Variants in SLC35F4 observed in about 807,000 individuals in gnomAD.
The protein encoded by SLC35F4 is chromosome 14 open reading frame 36.
Under a neutral mutation model 44.2 loss-of-function variants are expected in SLC35F4, and 24 were observed. The observed-to-expected ratio is 0.54, with a 90% CI of 0.39 to 0.76. SLC35F4 has a LOEUF of 0.76. Ranked by LOEUF, SLC35F4 falls within the 30% of genes least tolerant of loss-of-function variation. The pLI, the probability that SLC35F4 is intolerant of heterozygous loss-of-function variation, is 0.00. For missense variants in SLC35F4, 562 were observed against 586.1 expected (o/e 0.96, Z 0.42); for synonymous variants, 238 against 223.6 (o/e 1.06, Z -0.57).
chr14:57,742,739 G>T (rs945767652), intron 1 of SLC35F4, among the ~76,000 whole-genome samples: 1 of 152,158 alleles, frequency 6.6e-6, no homozygotes. Flanking sequence ...GACATCTACA[G>T]AACTCTCCAC....
intron 1 of SLC35F4, among the ~76,000 whole-genome samples, chr14:57,978,991 G>A (rs1881296767): frequency 6.6e-6 from 1 of 152,176 alleles, no homozygotes; most frequent in African/African-American, 2.4e-5. Flanking sequence ...TGGAACCTAT[G>A]GGATTCATAG....
chr14:57,698,529 A>G (rs1463834328), intron 1 of SLC35F4, among the ~76,000 whole-genome samples: 1 of 152,150 alleles, frequency 6.6e-6, no homozygotes, highest in Admixed American at 6.5e-5. Context: ...CAAGATACAT[A>G]CTTCTTGAGG....
chr14:57,746,748 GCTTTGTACA>G (rs2076764699), intron 1 of SLC35F4, among the ~76,000 whole-genome samples: 1 of 152,156 alleles, frequency 6.6e-6, no homozygotes, highest in Admixed American at 6.6e-5. Context: ...GCCTTCAAAA[GCTTTGTACA>G]CTTTCAAAAT....
chr14:57,963,366 C>T (rs1231341012), intron 1 of SLC35F4, among the ~76,000 whole-genome samples: 1 of 152,100 alleles, frequency 6.6e-6, no homozygotes, highest in Non-Finnish European at 1.5e-5. Flanking sequence ...GGCATGAGCA[C>T]CCTCACAGGG....
chr14:57,577,528 AAAT>A (rs1045614621), intron 4 of SLC35F4, among the ~76,000 whole-genome samples: 1 of 152,176 alleles, frequency 6.6e-6, no homozygotes, highest in Non-Finnish European at 1.5e-5. Flanking sequence ...TAGTATAAAA[AAAT>A]AAGAGAGGGA....
intron 1 of SLC35F4, among the ~76,000 whole-genome samples, chr14:57,766,815 T>G (rs1157367751): frequency 6.6e-6 from 1 of 152,324 alleles, no homozygotes; most frequent in East Asian, 1.9e-4. Context: ...CACTTAAGCT[T>G]TAATATATCA....
intron 1 of SLC35F4, among the ~76,000 whole-genome samples, chr14:57,758,024 T>C (rs1167654778): frequency 1.3e-5 from 2 of 151,856 alleles, no homozygotes; most frequent in East Asian, 3.9e-4. Flanking sequence ...TGTGTGTGTG[T>C]GTGTGTGTGT....
At chr14:57,580,325 G>C (rs1239978640) in intron 4 of SLC35F4, 3 of 166,122 alleles carry the variant, frequency 1.8e-5, no homozygotes, top group Admixed American at 6.3e-5. Flanking sequence ...TTGCCAATAA[G>C]AGCAATGTTT....
chr14:57,852,702 A>G (rs2140989168), intron 1 of SLC35F4, among the ~76,000 whole-genome samples: 1 of 152,332 alleles, frequency 6.6e-6, no homozygotes, highest in Non-Finnish European at 1.5e-5. Context: ...TCCAGCAGGG[A>G]AGATGGTGCC....
chr14:57,711,818 A>T (rs2075824888), intron 1 of SLC35F4, among the ~76,000 whole-genome samples: 1 of 152,234 alleles, frequency 6.6e-6, no homozygotes, highest in Non-Finnish European at 1.5e-5. Flanking sequence ...AAACAAATCC[A>T]ATGTACCCCA....
intron 1 of SLC35F4, among the ~76,000 whole-genome samples, chr14:57,935,651 T>C (rs1889782122): frequency 6.6e-6 from 1 of 152,206 alleles, no homozygotes; most frequent in African/African-American, 2.4e-5. Flanking sequence ...TCCTATCAGC[T>C]CTAAGGCCCA....
chr14:57,946,807 A>G (rs768551586), intron 1 of SLC35F4, among the ~76,000 whole-genome samples: 1 of 151,884 alleles, frequency 6.6e-6, no homozygotes, highest in Non-Finnish European at 1.5e-5. Context: ...TCTCTGTTCA[A>G]TCCCATTTGT....
At chr14:57,762,001 G>T (rs1236859795) in intron 1 of SLC35F4, among the ~76,000 whole-genome samples, 1 of 152,174 alleles carries the variant, frequency 6.6e-6, no homozygotes, top group Non-Finnish European at 1.5e-5. Flanking sequence ...AATTTGGGAG[G>T]TTAGAGCTAC....
At chr14:57,579,975 A>G (rs2069127103) in intron 4 of SLC35F4, among the ~76,000 whole-genome samples, 1 of 152,236 alleles carries the variant, frequency 6.6e-6, no homozygotes, top group South Asian at 2.1e-4. Flanking sequence ...GATGGTAGAC[A>G]GCCAGCACCA....
At chr14:57,696,159 A>G (rs1454782685) in intron 1 of SLC35F4, among the ~76,000 whole-genome samples, 2 of 152,242 alleles carry the variant, frequency 1.3e-5, no homozygotes, top group Non-Finnish European at 2.9e-5. Context: ...ACAGAATGGG[A>G]GAAAATTTTT....
chr14:57,874,423 A>C (rs1420566260), intron 1 of SLC35F4, among the ~76,000 whole-genome samples: 2 of 152,236 alleles, frequency 1.3e-5, no homozygotes, highest in Non-Finnish European at 2.9e-5. Context: ...TAACAAACAA[A>C]AGTTTTCATC....
At chr14:57,693,058 T>C (rs574791706) in intron 1 of SLC35F4, among the ~76,000 whole-genome samples, 1 of 152,316 alleles carries the variant, frequency 6.6e-6, no homozygotes, top group East Asian at 1.9e-4. Context: ...TTTTATTAAT[T>C]AAAACTTTTT....
chr14:57,713,036 A>T (rs1038306727), intron 1 of SLC35F4, among the ~76,000 whole-genome samples: 1 of 152,154 alleles, frequency 6.6e-6, no homozygotes, highest in African/African-American at 2.4e-5. Flanking sequence ...AAAAATCCCG[A>T]ATTTCTTTTC....
At chr14:57,622,786 T>G (rs576201022) in intron 1 of SLC35F4, among the ~76,000 whole-genome samples, 1 of 151,860 alleles carries the variant, frequency 6.6e-6, no homozygotes, top group African/African-American at 2.4e-5. Flanking sequence ...AATCTGCACA[T>G]TGTGCACATG....
Sources: gnomAD v4.1 joint callset for allele counts (sites outside exome capture counted in the v4.1 genomes callset) on GRCh38, gnomAD v4.1.1 for gene constraint, MANE v1.5 for transcripts, NCBI Gene and HGNC (gene_info 2026-07-23, HGNC 2026-07-21) for gene names.